The following CDHR5 variants were observed in gnomAD, a reference collection of about 807,000 sequenced individuals.
CDHR5 encodes the protein cadherin related family member 5, also known as cadherin-related family member 5.
CDHR5 carries 82 observed loss-of-function variants against 69.5 expected under a neutral mutation model. The ratio of observed to expected loss-of-function variants is 1.18; its 90% confidence interval spans 0.99 to 1.42. The LOEUF is 1.42. CDHR5 is among the 40% of genes most tolerant of loss of function. The pLI is 0.00. For missense variants in CDHR5, 1,293 were observed against 1,168.9 expected (o/e 1.11, Z -1.55); for synonymous variants, 601 against 510.2 (o/e 1.18, Z -2.40).
At position 617,584 on chromosome 11, in the gene CDHR5, C is replaced by T. The variant is rs370576784; in HGVS notation, c.2305G>A (p.Gly769Arg). The change falls in exon 15 of 15, where the codon GGA becomes AGA. Residue 769 changes from glycine (G) to arginine (R), a missense_variant. By Grantham distance (125) the Gly-to-Arg change is moderately radical (BLOSUM62 -2). Transcript: ENST00000397542. The part of the protein sequence containing the change: ...PEPPAAARAG[G>R]SPTAVRSILT... ...ATGGACCTCACCGCCGTGGGGCTTCCGCCAGCTCGGGCCGCTGCGGGGGGC... is the reference window on the plus strand; with the variant it reads ...ATGGACCTCACCGCCGTGGGGCTTCTGCCAGCTCGGGCCGCTGCGGGGGGC... 161 of 1,610,614 alleles carry T rather than the reference C, an allele frequency of 1.0e-4. 1 individual carries two copies. The highest frequency in any genetic ancestry group is 3.3e-4 in the Middle Eastern group (2 of 6,026).
At chr11:618,208 C>T in intron 13 of CDHR5, 97 bp from the exon 14 acceptor site, 1 of 1,057,792 alleles carries the variant, frequency 9.5e-7, no homozygotes, top group Non-Finnish European at 1.4e-6. Context: ...ACTTGGGTTC[C>T]ACCCAGGCCT....
intron 9 of CDHR5, 67 bp downstream of exon 9, chr11:620,000 C>CCGG: frequency 7.7e-7 from 1 of 1,300,538 alleles, no homozygotes; most frequent in Non-Finnish European, 1.0e-6. Context: ...CCCCCCAGCC[C>CCGG]TGACCCCCCG....
chr11:617,897 C>G (rs962400345), intron 14 of CDHR5, 57 bp downstream of exon 14: 25 of 1,571,658 alleles, frequency 1.6e-5, no homozygotes, highest in African/African-American at 2.7e-5. Flanking sequence ...CCTCTCCTGT[C>G]CCCCGTCCCC....
chr11:622,771 C>T (rs1056293430), intron 3 of CDHR5, among the ~76,000 whole-genome samples: 6 of 152,096 alleles, frequency 3.9e-5, no homozygotes, highest in Non-Finnish European at 8.8e-5. Context: ...CCACGGCGCC[C>T]AGCCAGGACT....
chr11:623,408 G>A (rs965094272), intron 3 of CDHR5, among the ~76,000 whole-genome samples: 2 of 152,228 alleles, frequency 1.3e-5, no homozygotes, highest in African/African-American at 4.8e-5. Context: ...GCTGGTAGGT[G>A]AGGGGGCCTG....
chr11:618,885 G>A lies in CDHR5; in HGVS notation c.1674C>T (p.Ser558=), dbSNP rs144001192. Residue 558 remains serine (S), a synonymous_variant, in exon 13 of 15, where the codon AGC becomes AGT. Coordinates refer to ENST00000397542, the MANE Select transcript of CDHR5 (RefSeq NM_021924.5). ...SQPMPPGVGT[S]TSHQPATPSG... is the part of the protein sequence containing the mutation. ...TGGGTGTGGCTGGTTGGTGGGAGGT[G>A]CTGGTTCCCACACCGGGGGGCATCG... The A allele has an allele frequency of 8.1e-6, 13 of 1,609,178 alleles. No homozygotes were observed. Among genetic ancestry groups the A allele is most frequent in the South Asian group, 4.4e-5 (4 of 90,838 alleles).
Position 619,405 on chromosome 11 carries a change from G to A in CDHR5, c.1294-15C>T. 1.2e-6 allele frequency: 2 copies of A among 1,611,506 alleles called. No individual in the cohort carries two copies. The highest frequency in any genetic ancestry group is 1.7e-6 in the Non-Finnish European group (2 of 1,177,906). ...TGGGCCTCAACCTGGGGCAGGAAGG[G>A]GCTTGTCCCTCCTAGACACATCTTT... On this transcript the variant is annotated splice_polypyrimidine_tract_variant and intron_variant, in intron 11 of 14. Transcript: ENST00000397542.
rs772895035 is a variant in CDHR5 at position 624,583 on chromosome 11, A to G, written c.235T>C (p.Phe79Leu). The G allele has an allele frequency of 6.2e-7, 1 of 1,608,542 alleles. No individual in the cohort carries two copies. The highest frequency in any genetic ancestry group is 1.1e-5 in the South Asian group (1 of 90,808). ...TCGTAATCAGGAGTCACGTTGAGAA[A>G]CAGCTGGTTTCCCTGGATCCGAAAT... ...FAFRIQGNQL[F>L]LNVTPDYEEK... The change falls in exon 2 of 15, where the codon TTT (phenylalanine) becomes CTT (leucine). Residue 79 changes from phenylalanine to leucine, a missense_variant. Transcript: ENST00000397542. The surrounding 1 kb of genome is among the most constrained non-coding windows in gnomAD (Gnocchi z 5.3).
Position 617,192 on chromosome 11 carries a change from G to A in CDHR5, c.*159C>T, listed in dbSNP as rs565650496. 8 of 624,278 alleles carry A rather than the reference G, an allele frequency of 1.3e-5. No individual in the cohort carries two copies. The highest frequency in any genetic ancestry group is 1.1e-4 in the East Asian group (4 of 36,212). The allele number at this position is 624,278 out of a possible 1,614,324, so 38.7% of individuals were successfully genotyped here. A position where few individuals can be genotyped will look rare whatever the true frequency, so the allele number is the denominator to read the frequency against. ...ACACCTGGGCTCAAGCGCTAATGAC[G>A]ACAGGGGACTGAGTGAATGGGACCC... On this transcript the variant is annotated 3_prime_UTR_variant, in exon 15 of 15. Transcript: ENST00000397542.
chr11:620,438 C>G (rs1857306422), intron 7 of CDHR5, 52 bp from the exon 8 acceptor site: 2 of 1,299,332 alleles, frequency 1.5e-6, no homozygotes, highest in Non-Finnish European at 2.2e-6. Flanking sequence ...GTGGATGGCC[C>G]CAGCCTGGCC....
intron 3 of CDHR5, among the ~76,000 whole-genome samples, chr11:622,426 T>G (rs1358370672): frequency 6.6e-6 from 1 of 151,030 alleles, no homozygotes; most frequent in Admixed American, 6.6e-5. Context: ...TTTCTCTGTT[T>G]TTTTTTTTTT....
chr11:624,202 C>T lies in CDHR5; in HGVS notation c.312+11G>A, dbSNP rs766941680. On this transcript the variant is annotated intron_variant, in intron 3 of 14. Coordinates refer to ENST00000397542, the MANE Select transcript of CDHR5 (RefSeq NM_021924.5). The surrounding 1 kb of genome is among the most constrained non-coding windows in gnomAD (Gnocchi z 5.3). The stretch of plus-strand genomic sequence containing the variant: ...GCCGGGTGGGGCGGGGAGAGCGGGG[C>T]GGGGACTCACCAATGTGCCTCCGCT... 37 of 730,486 alleles carry T rather than the reference C, an allele frequency of 5.1e-5. No individual in the cohort carries two copies. The highest frequency in any genetic ancestry group is 2.6e-4 in the African/African-American group (15 of 57,994). The allele number at this position is 730,486 out of a possible 1,614,324, so 45.3% of individuals were successfully genotyped here.
At chr11:618,306 G>A (rs1473105629) in intron 13 of CDHR5, among the ~76,000 whole-genome samples, 195 bp from the exon 14 acceptor site, 2 of 152,128 alleles carry the variant, frequency 1.3e-5, no homozygotes, top group African/African-American at 2.4e-5. Context: ...CCTCCCCCCC[G>A]GGAGGCCAAG....
At chr11:623,095 G>A (rs1391898376) in intron 3 of CDHR5, among the ~76,000 whole-genome samples, 1 of 151,990 alleles carries the variant, frequency 6.6e-6, no homozygotes, top group Non-Finnish European at 1.5e-5. Flanking sequence ...GATCACCTGA[G>A]GTCAGGAGTT....
In CDHR5 at chr11:617,390, A is replaced by AC; in HGVS notation, c.2498dup (p.Pro834SerfsTer8). 1 of 1,608,988 alleles carries AC rather than the reference A, an allele frequency of 6.2e-7. No individual in the cohort carries two copies. Among genetic ancestry groups the AC allele is most frequent in the Non-Finnish European group, 8.5e-7 (1 of 1,178,084 alleles). On this transcript the variant is annotated frameshift_variant, in exon 15 of 15. Coordinates refer to ENST00000397542, the MANE Select transcript of CDHR5 (RefSeq NM_021924.5). LOFTEE classifies it low-confidence loss of function (END_TRUNC). ...CATCACCACCGGGCGCATCGTAGGG[A>AC]CCCCCACCCCTCCCCGCGCCCTCGC... is the stretch of plus-strand genomic sequence containing the variant.
chr11:621,352 A>G lies in CDHR5; in HGVS notation c.611T>C (p.Leu204Pro), dbSNP rs745855579. The G allele has an allele frequency of 1.8e-5, 29 of 1,613,074 alleles. No homozygotes were observed. The highest frequency in any genetic ancestry group is 1.2e-4 in the Admixed American group (7 of 60,000). Reference protein sequence around the residue: ...YERPNMTFWLLVRDTPGENVE... With the variant: ...YERPNMTFWLPVRDTPGENVE... ...CTGGGGTGACCTGCTCACCCGCACCAGCAGCCAGAAGGTCATGTTCGGCCG... is the reference window on the plus strand; with the variant it reads ...CTGGGGTGACCTGCTCACCCGCACCGGCAGCCAGAAGGTCATGTTCGGCCG... The change falls in exon 6 of 15, where the codon CTG (leucine) becomes CCG (proline). Residue 204 changes from leucine (L) to proline (P), a missense_variant. By Grantham distance (98) the Leu-to-Pro change is moderately conservative. Transcript: ENST00000397542. The surrounding 1 kb of genome is among the most constrained non-coding windows in gnomAD (Gnocchi z 4.4).
intron 13 of CDHR5, 136 bp downstream of exon 13, chr11:618,463 C>T (rs1857120874): frequency 2.8e-6 from 3 of 1,077,788 alleles, no homozygotes; most frequent in East Asian, 5.1e-5. Flanking sequence ...CTGTCTGTGT[C>T]TGTCAGTCCC....
rs756931507 is a variant in CDHR5 at position 620,268 on chromosome 11, G to T, written c.880+28C>A. The T allele has an allele frequency of 3.1e-6, 5 of 1,592,216 alleles. No individual in the cohort carries two copies. In the African/African-American group the frequency reaches 6.7e-5, roughly 21 times the overall value. On this transcript the variant is annotated intron_variant, in intron 8 of 14. Coordinates refer to ENST00000397542, the MANE Select transcript of CDHR5 (RefSeq NM_021924.5). ...GAGACAGGGACAGAGGGGGTACAGG[G>T]CATTGTTGAGGGCTGGGCCCCACTC...
rs750738673 is a variant in CDHR5 at position 621,554 on chromosome 11, G to T, written c.507+8C>A. On this transcript the variant is annotated splice_region_variant and intron_variant, in intron 5 of 14. Transcript: ENST00000397542. This position sits in a 1 kb window ranked among gnomAD's most constrained non-coding sequence, Gnocchi z 4.4. ...GGCTCGTGCTGGGGCAGGGTGGGCG[G>T]CACTGACTGCTGTCATTTCCTGGAG... 6.2e-7 allele frequency: 1 copy of T among 1,607,992 alleles called. No individual in the cohort carries two copies. The highest frequency in any genetic ancestry group is 8.5e-7 in the Non-Finnish European group (1 of 1,174,488).
Sources: gnomAD v4.1 joint callset for allele counts (sites outside exome capture counted in the v4.1 genomes callset) on GRCh38, gnomAD v4.1.1 for gene constraint, Gnocchi (gnomAD v3.1) non-coding constraint, MANE v1.5 for transcripts, NCBI Gene and HGNC (gene_info 2026-07-23, HGNC 2026-07-21) for gene names.